LRGUK: variants seen among roughly 807,000 people sequenced by gnomAD.
LRGUK encodes leucine rich repeats and guanylate kinase domain containing.
A neutral mutation model predicts 76.0 loss-of-function variants in LRGUK; 65 were observed. That is an observed-to-expected ratio of 0.85 (90% CI 0.70 to 1.05). The LOEUF (loss-of-function observed/expected upper bound fraction) is 1.05, where lower values mean the gene tolerates loss of function less well. LRGUK is among the 50% of genes least tolerant of loss of function. The pLI is 0.00. For synonymous variants in LRGUK, 268 were observed against 265.6 expected (o/e 1.01, Z -0.09); for missense variants, 758 against 732.8 (o/e 1.03, Z -0.40).
intron 16 of LRGUK, among the ~76,000 whole-genome samples, chr7:134,246,051 G>A (rs1031936302): frequency 1.3e-5 from 2 of 152,176 alleles, no homozygotes; most frequent in Non-Finnish European, 1.5e-5. Flanking sequence ...TGGTAATCAA[G>A]TATCCACCAG....
intron 16 of LRGUK, among the ~76,000 whole-genome samples, chr7:134,236,232 C>A (rs1385008390): frequency 6.6e-6 from 1 of 152,146 alleles, no homozygotes; most frequent in African/African-American, 2.4e-5. Flanking sequence ...TCCATGAGCC[C>A]CATCCTACTC....
At chr7:134,267,127 G>A (rs1302413047), downstream of LRGUK, among the ~76,000 whole-genome samples, 1 of 152,038 alleles carries the variant, frequency 6.6e-6, no homozygotes, top group Non-Finnish European at 1.5e-5. Flanking sequence ...TAAAAGAAGA[G>A]TTGAAGGAAA....
intron 15 of LRGUK, among the ~76,000 whole-genome samples, chr7:134,205,710 C>CTTGATT (rs1423481031): frequency 8.3e-4 from 127 of 152,266 alleles, no homozygotes; most frequent in African/African-American, 2.8e-3. Flanking sequence ...CTAAATCTAA[C>CTTGATT]CAATAACCAT....
intron 12 of LRGUK, among the ~76,000 whole-genome samples, chr7:134,193,850 A>T (rs1019785472): frequency 1.3e-5 from 2 of 152,000 alleles, no homozygotes; most frequent in Admixed American, 1.3e-4. Flanking sequence ...CCACTGACGG[A>T]CAGCCTTGGC....
chr7:134,225,895 A>T (rs1242373748), intron 16 of LRGUK, among the ~76,000 whole-genome samples: 3 of 152,158 alleles, frequency 2.0e-5, no homozygotes, highest in African/African-American at 7.2e-5. Flanking sequence ...CACTGCCTTT[A>T]TGCAGCATTT....
At chr7:134,266,404 T>C (rs1026597337), downstream of LRGUK, among the ~76,000 whole-genome samples, 6 of 152,098 alleles carry the variant, frequency 3.9e-5, no homozygotes, top group Non-Finnish European at 8.8e-5. Context: ...AATGAAGAGA[T>C]AGATAATTTC....
At chr7:134,147,354 GA>G (rs1563143612) in intron 4 of LRGUK, among the ~76,000 whole-genome samples, 1 of 151,098 alleles carries the variant, frequency 6.6e-6, no homozygotes, top group African/African-American at 2.4e-5. Context: ...AGAATTGCTT[GA>G]ACCTGTGAGG....
chr7:134,233,034 T>C (rs1161647290), intron 16 of LRGUK, among the ~76,000 whole-genome samples: 2 of 152,226 alleles, frequency 1.3e-5, no homozygotes, highest in African/African-American at 2.4e-5. Context: ...AGCTCTTTTC[T>C]TACTGTTGCA....
intron 11 of LRGUK, among the ~76,000 whole-genome samples, chr7:134,185,106 C>G (rs1033458531): frequency 6.6e-6 from 1 of 152,198 alleles, no homozygotes; most frequent in Non-Finnish European, 1.5e-5. Flanking sequence ...ATTCAATACA[C>G]TTCAAGTTTT....
At chr7:134,129,757 G>T (rs1390436383) in intron 1 of LRGUK, among the ~76,000 whole-genome samples, 1 of 151,940 alleles carries the variant, frequency 6.6e-6, no homozygotes, top group African/African-American at 2.4e-5. Context: ...TTACAGGCAT[G>T]AGCCACTGTG....
chr7:134,203,837 G>A (rs898479167), intron 15 of LRGUK, among the ~76,000 whole-genome samples: 1 of 152,144 alleles, frequency 6.6e-6, no homozygotes, highest in Non-Finnish European at 1.5e-5. Context: ...TATCTAATGA[G>A]GCTTCTGTAG....
At chr7:134,132,362 TAAAA>T (rs950492645) in intron 1 of LRGUK, among the ~76,000 whole-genome samples, 1 of 145,134 alleles carries the variant, frequency 6.9e-6, no homozygotes, top group African/African-American at 2.5e-5. Flanking sequence ...CTCAAAAAAA[TAAAA>T]AAAAAAGAAG....
chr7:134,259,222 A>G (rs2598274), intron 19 of LRGUK, among the ~76,000 whole-genome samples: 11,403 of 152,176 alleles, frequency 0.075, 1,047 homozygotes, highest in African/African-American at 0.21. Flanking sequence ...CAGAATGGCC[A>G]TTGCACTTTT....
At chr7:134,209,898 G>T in exon 16 of LRGUK, 1 of 399,318 alleles carries the variant, frequency 2.5e-6, no homozygotes, top group Non-Finnish European at 4.4e-6. Flanking sequence ...CAGAAAGTGA[G>T]GCTCCCTCGC....
At chr7:134,211,834 G>C (rs1187951884), downstream of LRGUK, among the ~76,000 whole-genome samples, 1 of 152,188 alleles carries the variant, frequency 6.6e-6, no homozygotes, top group African/African-American at 2.4e-5. Context: ...TATTAGAAGG[G>C]AGTAGAAGAT....
rs1797341249 is a variant in LRGUK, at chr7:134,132,221, G to A, written c.297+4557G>A. 3.9e-5 allele frequency among the ~76,000 whole-genome samples: 6 copies of A among 152,242 alleles called. No individual in the cohort carries two copies. In the South Asian group the frequency reaches 1.2e-3, roughly 32 times the overall value. The stretch of plus-strand genomic sequence containing the variant: ...AAAAAATTAGCCGACCAGCCATAGT[G>A]GTATGCACCTGTAGTCCCAGCTACT... On this transcript the variant is annotated intron_variant, in intron 1 of 15. Coordinates refer to ENST00000645682, the Ensembl canonical transcript of LRGUK.
the LRGUK span, among the ~76,000 whole-genome samples, chr7:134,272,652 T>G: frequency 2.0e-5 from 3 of 152,204 alleles, no homozygotes; most frequent in Admixed American, 2.0e-4. Flanking sequence ...TAAGCCCTTA[T>G]GAGTTGAATA....
At chr7:134,174,260 T>C (rs1389039503) in intron 7 of LRGUK, among the ~76,000 whole-genome samples, 1 of 152,140 alleles carries the variant, frequency 6.6e-6, no homozygotes, top group East Asian at 1.9e-4. Flanking sequence ...TTTTTCTGAC[T>C]TTGAATGCTA....
intron 16 of LRGUK, among the ~76,000 whole-genome samples, chr7:134,238,027 G>A (rs1232176706): frequency 6.6e-6 from 1 of 152,024 alleles, no homozygotes; most frequent in Non-Finnish European, 1.5e-5. Context: ...CCAAAAAATA[G>A]TTAAAAACAT....
Sources: allele counts gnomAD v4.1 joint callset (sites outside exome capture counted in the v4.1 genomes callset), GRCh38; gene constraint gnomAD v4.1.1; transcripts MANE v1.5; gene names NCBI Gene and HGNC (gene_info 2026-07-23, HGNC 2026-07-21).